Variants in MROH9 observed in about 807,000 individuals in gnomAD.
MROH9 encodes maestro heat like repeat family member 9.
MROH9 carries 92 observed loss-of-function variants against 98.2 expected under a neutral mutation model. That is an observed-to-expected ratio of 0.94 (90% CI 0.79 to 1.11). The LOEUF (loss-of-function observed/expected upper bound fraction) is 1.11. MROH9 is among the 50% of genes most tolerant of loss of function. The pLI is 0.00. For synonymous variants in MROH9, 397 were observed against 368.9 expected (o/e 1.08, Z -0.87); for missense variants, 1,057 against 1,014.8 (o/e 1.04, Z -0.57).
In MROH9 at chr1:171,064,179, G is replaced by C; in HGVS notation, c.2425G>C (p.Ala809Pro). Reference protein sequence around the residue: ...EITYDIFKKKAHKLTSAPLKQ... With the variant: ...EITYDIFKKKPHKLTSAPLKQ... The stretch of plus-strand genomic sequence containing the variant: ...AACCTATGATATTTTTAAGAAAAAA[G>C]CCCATAAACTGACCTCTGCACCTCT... The change falls in exon 22 of 22, where the codon GCC becomes CCC. Residue 809 changes from alanine (A) to proline (P), a missense_variant. Coordinates refer to ENST00000367759, the MANE Select transcript of MROH9 (RefSeq NM_001163629.2). The C allele has an allele frequency of 6.4e-7, 1 of 1,550,972 alleles. No individual in the cohort carries two copies. Among genetic ancestry groups the C allele is most frequent in the Non-Finnish European group, 8.7e-7 (1 of 1,146,770 alleles).
intron 20 of MROH9, among the ~76,000 whole-genome samples, chr1:171,029,766 T>G (rs912906959): frequency 6.6e-6 from 1 of 152,338 alleles, no homozygotes; most frequent in Non-Finnish European, 1.5e-5. Flanking sequence ...CCTTTTTTAT[T>G]GTGTCTCTTT....
In MROH9 at chr1:171,064,591, T is replaced by G. The variant is rs1474815272; in HGVS notation, c.*251T>G. On this transcript the variant is annotated 3_prime_UTR_variant, in exon 22 of 22. Transcript: ENST00000367759. ...AGAAGCCCTATTTCATCAAAACCAC[T>G]AAGACAATTGAAAATAACATAAGCA... 2.8e-6 allele frequency: 1 copy of G among 363,426 alleles called. No homozygotes were observed. Among genetic ancestry groups the G allele is most frequent in the Non-Finnish European group, 4.9e-6 (1 of 205,598 alleles). 22.5% of individuals were successfully genotyped at this position (363,426 alleles called of 1,614,324 possible). A position where few individuals can be genotyped will look rare whatever the true frequency, so the allele number is the denominator to read the frequency against.
At chr1:171,058,543 A>T (rs1342582532) in intron 20 of MROH9, among the ~76,000 whole-genome samples, 1 of 152,140 alleles carries the variant, frequency 6.6e-6, no homozygotes, top group Non-Finnish European at 1.5e-5. Context: ...TATGGCCAAG[A>T]CAATCCTAAG....
chr1:171,013,231 G>A (rs1186545843), intron 15 of MROH9, among the ~76,000 whole-genome samples: 1 of 152,174 alleles, frequency 6.6e-6, no homozygotes, highest in Non-Finnish European at 1.5e-5. Flanking sequence ...CCAGCTCCCT[G>A]GGCCACATAC....
chr1:171,016,948 A>G (rs1320658342), intron 17 of MROH9, among the ~76,000 whole-genome samples: 2 of 152,202 alleles, frequency 1.3e-5, no homozygotes, highest in Non-Finnish European at 2.9e-5. Context: ...GAACTCCACA[A>G]TAAATTGTTA....
intron 20 of MROH9, among the ~76,000 whole-genome samples, chr1:171,058,536 G>T (rs952005013): frequency 6.6e-6 from 1 of 151,882 alleles, no homozygotes; most frequent in African/African-American, 2.4e-5. Context: ...GATCCCATAT[G>T]GCCAAGACAA....
rs555628053 is a variant in MROH9 at position 171,013,515 on chromosome 1, T to C, written c.1597-602T>C. On this transcript the variant is annotated intron_variant, in intron 15 of 21. Transcript: ENST00000367759. ...AAAAAAAATGTCTTCCAAAAACTGGTCCCTGGTGCCAAAAAGTTTGGGGAC... is the reference window on the plus strand; with the variant it reads ...AAAAAAAATGTCTTCCAAAAACTGGCCCCTGGTGCCAAAAAGTTTGGGGAC... 4.6e-5 allele frequency among the ~76,000 whole-genome samples: 7 copies of C among 152,280 alleles called. No individual in the cohort carries two copies. The South Asian group carries it at 1.2e-3, about 27-fold the overall frequency.
At chr1:170,990,433 A>C (rs1651314371) in intron 11 of MROH9, among the ~76,000 whole-genome samples, 1 of 152,218 alleles carries the variant, frequency 6.6e-6, no homozygotes, top group African/African-American at 2.4e-5. Flanking sequence ...ACATACCAAT[A>C]ACAGCATTAA....
At chr1:170,981,984 C>T (rs886638044) in intron 8 of MROH9, among the ~76,000 whole-genome samples, 9 of 152,040 alleles carry the variant, frequency 5.9e-5, no homozygotes, top group Non-Finnish European at 1.2e-4. Flanking sequence ...ACATACATTG[C>T]GGGTGAAACT....
At chr1:171,022,259 A>G (rs1289744925) in intron 17 of MROH9, among the ~76,000 whole-genome samples, 7 of 152,216 alleles carry the variant, frequency 4.6e-5, no homozygotes, top group Non-Finnish European at 8.8e-5. Flanking sequence ...ATATACCCGA[A>G]GGATTATAAA....
At chr1:171,008,471 G>T (rs79992690) in intron 15 of MROH9, among the ~76,000 whole-genome samples, 9,095 of 152,222 alleles carry the variant, frequency 0.06, 355 homozygotes, top group Non-Finnish European at 0.087. Context: ...AATCAATTCA[G>T]TAATTTTAAA....
intron 15 of MROH9, among the ~76,000 whole-genome samples, chr1:171,006,320 A>AG (rs1360389278): frequency 2.0e-5 from 3 of 152,226 alleles, no homozygotes; most frequent in Admixed American, 6.5e-5. Flanking sequence ...GTATGTGAGA[A>AG]GTCTCTTTGT....
At chr1:170,987,009 C>A (rs751751979) in intron 10 of MROH9, among the ~76,000 whole-genome samples, 21 of 151,660 alleles carry the variant, frequency 1.4e-4, no homozygotes, top group Non-Finnish European at 2.6e-4. Flanking sequence ...TACCACCACA[C>A]CCGGCTAATT....
At chr1:170,984,494 A>C (rs1651055144) in intron 9 of MROH9, among the ~76,000 whole-genome samples, 1 of 152,224 alleles carries the variant, frequency 6.6e-6, no homozygotes, top group African/African-American at 2.4e-5. Context: ...TTACATGAAG[A>C]AACCAGGCAT....
chr1:171,059,579 C>A lies in MROH9; in HGVS notation c.2282-2553C>A, dbSNP rs369855891. 1.3e-4 allele frequency among the ~76,000 whole-genome samples: 20 copies of A among 152,288 alleles called. No homozygotes were observed. The East Asian group carries it at 1.3e-3, about 10-fold the overall frequency. On this transcript the variant is annotated intron_variant, in intron 20 of 21. Transcript: ENST00000367759. ...AATACAAATCATTCTCATATAAAGA[C>A]ACATGCACACCTATGTCTATTGCAG...
chr1:170,953,295 GTCTTATTTT>G (rs1649626619), intron 3 of MROH9, among the ~76,000 whole-genome samples: 1 of 151,818 alleles, frequency 6.6e-6, no homozygotes, highest in African/African-American at 2.4e-5. Context: ...TATATGGTTT[GTCTTATTTT>G]TCTTAACGGT....
At chr1:171,014,359 C>G in intron 16 of MROH9, 105 bp downstream of exon 16, 1 of 1,043,830 alleles carries the variant, frequency 9.6e-7, no homozygotes, top group Non-Finnish European at 1.3e-6. Flanking sequence ...TTTTCAGTCT[C>G]TATATAACTA....
At chr1:171,055,676 T>C (rs972690482) in intron 20 of MROH9, among the ~76,000 whole-genome samples, 5 of 112,570 alleles carry the variant, frequency 4.4e-5, no homozygotes, top group African/African-American at 1.6e-4. Flanking sequence ...GGGGAAAAGG[T>C]GGGAAGGGAT....
intron 8 of MROH9, among the ~76,000 whole-genome samples, chr1:170,973,395 GA>G (rs1347830142): frequency 6.6e-6 from 1 of 151,518 alleles, no homozygotes; most frequent in Non-Finnish European, 1.5e-5. Context: ...CTCATTAGGA[GA>G]AAAAAAATCA....
Sources: gnomAD v4.1 joint callset for allele counts (sites outside exome capture counted in the v4.1 genomes callset) on GRCh38, gnomAD v4.1.1 for gene constraint, MANE v1.5 for transcripts, NCBI Gene and HGNC (gene_info 2026-07-23, HGNC 2026-07-21) for gene names.